Variants in STARD4 observed in about 807,000 individuals in gnomAD.
STARD4 encodes the protein stAR-related lipid transfer protein 4.
A neutral mutation model predicts 24.9 loss-of-function variants in STARD4; 33 were observed. The observed-to-expected ratio is 1.32, with a 90% confidence interval of 1.00 to 1.77. The LOEUF (loss-of-function observed/expected upper bound fraction) is 1.77, where lower values mean the gene tolerates loss of function less well. Ranked by LOEUF, STARD4 falls within the 40% of genes most tolerant of loss-of-function variation. The pLI, the probability that STARD4 is intolerant of heterozygous loss-of-function variation, is 0.00. For missense variants in STARD4, 238 were observed against 249.3 expected (o/e 0.95, Z 0.31); for synonymous variants, 88 against 77.4 (o/e 1.14, Z -0.72).
chr5:111,510,710 G>C (rs948140085), intron 1 of STARD4, among the ~76,000 whole-genome samples: 2 of 152,170 alleles, frequency 1.3e-5, no homozygotes, highest in African/African-American at 4.8e-5. Flanking sequence ...GCCATCATAG[G>C]GAGGGCAGCT....
chr5:111,509,824 A>G (rs774558000), intron 1 of STARD4, among the ~76,000 whole-genome samples: 2 of 152,188 alleles, frequency 1.3e-5, no homozygotes, highest in Non-Finnish European at 2.9e-5. Context: ...GAGCTTCTGA[A>G]TAACTAAAAC....
rs1756989832 is a variant in STARD4 at position 111,507,999 on chromosome 5, T to C, written c.-9-557A>G. Among the ~76,000 whole-genome samples the C allele has an allele frequency of 6.6e-6, 1 of 152,164 alleles. No homozygotes were observed. Among genetic ancestry groups the C allele is most frequent in the Non-Finnish European group, 1.5e-5 (1 of 68,004 alleles). ...GAATAGGTTCCTTTTAACACCATCA[T>C]ACCTCATTGTCTACAGTATTCTACA... On this transcript the variant is annotated intron_variant, in intron 1 of 5. Coordinates refer to ENST00000296632, the MANE Select transcript of STARD4 (RefSeq NM_139164.3). This position sits in a 1 kb window ranked among gnomAD's most constrained non-coding sequence, Gnocchi z 4.4.
At chr5:111,509,838 CT>C (rs1757119446) in intron 1 of STARD4, among the ~76,000 whole-genome samples, 8 of 152,100 alleles carry the variant, frequency 5.3e-5, no homozygotes, top group Admixed American at 5.2e-4. Context: ...CTAAAACTTC[CT>C]TTACCATAAT....
intron 1 of STARD4, among the ~76,000 whole-genome samples, chr5:111,510,015 T>TA (rs910585314): frequency 3.3e-5 from 5 of 152,120 alleles, no homozygotes; most frequent in African/African-American, 4.8e-5. Flanking sequence ...ACTAAAACAT[T>TA]AAAAAATTCT....
chr5:111,504,841 C>T (rs1756731245), intron 3 of STARD4, among the ~76,000 whole-genome samples: 1 of 152,114 alleles, frequency 6.6e-6, no homozygotes. Context: ...TTTATCAGGA[C>T]GATTTCCTAA....
At position 111,505,837 on chromosome 5, in the gene STARD4, A is replaced by C. The variant is rs534564142; in HGVS notation, c.155+493T>G. 9.2e-5 allele frequency among the ~76,000 whole-genome samples: 14 copies of C among 152,152 alleles called. 1 individual carries two copies. In the East Asian group the frequency reaches 2.3e-3, roughly 25 times the overall value. On this transcript the variant is annotated intron_variant, in intron 3 of 5. Transcript: ENST00000296632. ...ATTATTTATGACCTCCTCACCACCA[A>C]CTCAGTCTACAAAGGACACGGACAT...
rs1756143646 is a variant in STARD4 at position 111,497,186 on chromosome 5, CT to C, written c.*2699del. 1 of 152,084 alleles carries C rather than the reference CT, an allele frequency of 6.6e-6. No homozygotes were observed. The highest frequency in any genetic ancestry group is 2.1e-4 in the South Asian group (1 of 4,824). The allele number at this position is 152,084 out of a possible 1,614,324, so 9.4% of individuals were successfully genotyped here. Reference sequence around the variant, plus strand: ...ATTTAACAAGAAGGCAGATTATATTCTTTCATTTCACCAACTGCCATATCAA... The same window carrying C: ...ATTTAACAAGAAGGCAGATTATATTCTTCATTTCACCAACTGCCATATCAA... On this transcript the variant is annotated 3_prime_UTR_variant, in exon 6 of 6. Transcript: ENST00000296632.
rs147953998 is a variant in STARD4 at position 111,504,627 on chromosome 5, C to T, written c.155+1703G>A. On this transcript the variant is annotated intron_variant, in intron 3 of 5. Coordinates refer to ENST00000296632, the MANE Select transcript of STARD4 (RefSeq NM_139164.3). ...CTTTTTTTTAAAAAAGCATGTGAAGCTATTTAATCATTTTATAACTCAAGC... is the reference window on the plus strand; with the variant it reads ...CTTTTTTTTAAAAAAGCATGTGAAGTTATTTAATCATTTTATAACTCAAGC... 4.5e-3 allele frequency among the ~76,000 whole-genome samples: 688 copies of T among 152,194 alleles called. 7 individuals carry two copies. Among genetic ancestry groups the T allele is most frequent in the African/African-American group, 0.016 (657 of 41,532 alleles).
At chr5:111,509,670 TG>T (rs1757106167) in intron 1 of STARD4, among the ~76,000 whole-genome samples, 1 of 152,128 alleles carries the variant, frequency 6.6e-6, no homozygotes, top group Non-Finnish European at 1.5e-5. Flanking sequence ...AAATCTGGCT[TG>T]TTCAATATTA....
rs1266627605 is a variant in STARD4, at chr5:111,497,420, T to C, written c.*2466A>G. ...TAATAAATATGCTATAGGACTGTGC[T>C]ATTCAATACAGTATCCACTGGCCTC... On this transcript the variant is annotated 3_prime_UTR_variant, in exon 6 of 6. Coordinates refer to ENST00000296632, the MANE Select transcript of STARD4 (RefSeq NM_139164.3). The C allele has an allele frequency of 6.6e-6, 1 of 152,098 alleles. No homozygotes were observed. Among genetic ancestry groups the C allele is most frequent in the Non-Finnish European group, 1.5e-5 (1 of 67,940 alleles). The allele number at this position is 152,098 out of a possible 1,614,324, so 9.4% of individuals were successfully genotyped here. A position where few individuals can be genotyped will look rare whatever the true frequency, so the allele number is the denominator to read the frequency against.
intron 1 of STARD4, among the ~76,000 whole-genome samples, chr5:111,510,111 A>G (rs1561542979): frequency 6.6e-6 from 1 of 152,220 alleles, no homozygotes; most frequent in Non-Finnish European, 1.5e-5. Context: ...CTCTGATTAA[A>G]TATGTCCAGC....
chr5:111,496,804 G>A lies in STARD4; in HGVS notation c.*3082C>T, dbSNP rs927905255. On this transcript the variant is annotated 3_prime_UTR_variant, in exon 6 of 6. Coordinates refer to ENST00000296632, the MANE Select transcript of STARD4 (RefSeq NM_139164.3). Reference sequence around the variant, plus strand: ...TTAACTAGGAGATGTTGTACAGATAGAAATCTACAATTTCAAATATATCCA... The same window carrying A: ...TTAACTAGGAGATGTTGTACAGATAAAAATCTACAATTTCAAATATATCCA... The A allele has an allele frequency of 1.3e-5, 2 of 152,002 alleles. No individual in the cohort carries two copies. The highest frequency in any genetic ancestry group is 4.8e-5 in the African/African-American group (2 of 41,422). 9.4% of individuals were successfully genotyped at this position (152,002 alleles called of 1,614,324 possible).
chr5:111,501,645 G>A (rs976598994), intron 4 of STARD4, among the ~76,000 whole-genome samples: 4 of 152,160 alleles, frequency 2.6e-5, no homozygotes, highest in Non-Finnish European at 5.9e-5. Context: ...TAAATATGAT[G>A]GTGGTGTTTT....
chr5:111,504,877 G>T, intron 3 of STARD4: 1 of 393,526 alleles, frequency 2.5e-6, no homozygotes, highest in Non-Finnish European at 5.0e-6. Flanking sequence ...AACAATATTT[G>T]GCTCTCAATA....
Position 111,507,570 on chromosome 5 carries a change from A to C in STARD4, c.-9-128T>G, listed in dbSNP as rs758671453. The C allele has an allele frequency of 7.0e-6, 4 of 575,162 alleles. No individual in the cohort carries two copies. Among genetic ancestry groups the C allele is most frequent in the Non-Finnish European group, 1.2e-5 (4 of 341,340 alleles). The allele number at this position is 575,162 out of a possible 1,614,324, so 35.6% of individuals were successfully genotyped here. ...ATAAAAGATAGCTACCCTCACCCCA[A>C]ATCAACTAATCATAATCTCTGAGAG... On this transcript the variant is annotated intron_variant, in intron 1 of 5. Transcript: ENST00000296632. The surrounding 1 kb of genome is among the most constrained non-coding windows in gnomAD (Gnocchi z 4.4).
At chr5:111,505,196 A>G (rs980348568) in intron 3 of STARD4, among the ~76,000 whole-genome samples, 2 of 152,258 alleles carry the variant, frequency 1.3e-5, no homozygotes, top group Non-Finnish European at 2.9e-5. Context: ...AAGTCTTTTC[A>G]GATCTCCAAG....
At chr5:111,500,792 T>C (rs765537532) in intron 5 of STARD4, 12 of 1,463,028 alleles carry the variant, frequency 8.2e-6, no homozygotes, top group Non-Finnish European at 1.1e-5. Context: ...TAGAGGATAC[T>C]GTGTAACTGG....
At position 111,496,442 on chromosome 5, in the gene STARD4, T is replaced by C. The variant is rs918371736; in HGVS notation, c.*3444A>G. 6.6e-6 allele frequency: 1 copy of C among 152,126 alleles called. No homozygotes were observed. Among genetic ancestry groups the C allele is most frequent in the African/African-American group, 2.4e-5 (1 of 41,456 alleles). The allele number at this position is 152,126 out of a possible 1,614,324, so 9.4% of individuals were successfully genotyped here. On this transcript the variant is annotated 3_prime_UTR_variant, in exon 6 of 6. Coordinates refer to ENST00000296632, the MANE Select transcript of STARD4 (RefSeq NM_139164.3). Reference sequence around the variant, plus strand: ...AACCTGATCAAGCCCTTAGCTTCTCTAGTTCTGTTGATTTCTCTACAGGGT... The same window carrying C: ...AACCTGATCAAGCCCTTAGCTTCTCCAGTTCTGTTGATTTCTCTACAGGGT...
chr5:111,507,645 A>G lies in STARD4; in HGVS notation c.-9-203T>C, dbSNP rs113559979. Among the ~76,000 whole-genome samples the G allele has an allele frequency of 1.8e-4, 28 of 152,336 alleles. No individual in the cohort carries two copies. Among genetic ancestry groups the G allele is most frequent in the African/African-American group, 5.8e-4 (24 of 41,582 alleles). ...TAATTGCTCCCAAGATGAATAACCC[A>G]TAGCCAGAGGTGAGAATTACATATT... On this transcript the variant is annotated intron_variant, in intron 1 of 5. Coordinates refer to ENST00000296632, the MANE Select transcript of STARD4 (RefSeq NM_139164.3). The surrounding 1 kb of genome is among the most constrained non-coding windows in gnomAD (Gnocchi z 4.4).
Sources: gnomAD v4.1 joint callset for allele counts (sites outside exome capture counted in the v4.1 genomes callset) on GRCh38, gnomAD v4.1.1 for gene constraint, Gnocchi (gnomAD v3.1) non-coding constraint, MANE v1.5 for transcripts, NCBI Gene and HGNC (gene_info 2026-07-23, HGNC 2026-07-21) for gene names.